Variants in CACNB4 observed in about 807,000 individuals in gnomAD.
The protein encoded by CACNB4 is calcium voltage-gated channel auxiliary subunit beta 4, also known as voltage-dependent L-type calcium channel subunit beta-4.
A neutral mutation model predicts 71.2 loss-of-function variants in CACNB4; 32 were observed. The observed-to-expected ratio is 0.45, with a 90% CI of 0.34 to 0.60. The LOEUF (loss-of-function observed/expected upper bound fraction) is 0.60. Ranked by LOEUF, CACNB4 falls within the 20% of genes least tolerant of loss-of-function variation. CACNB4 has a pLI of 0.01. For missense variants in CACNB4, 464 were observed against 647.9 expected (o/e 0.72, Z 3.08); for synonymous variants, 231 against 236.9 (o/e 0.97, Z 0.23).
Position 152,010,763 on chromosome 2 carries a change from G to A in CACNB4, c.147+87567C>T, listed in dbSNP as rs79750554. Among the ~76,000 whole-genome samples the A allele has an allele frequency of 3.4e-3, 515 of 152,316 alleles. 5 individuals are homozygous for A. Among genetic ancestry groups the A allele is most frequent in the Non-Finnish European group, 4.5e-3 (309 of 68,018 alleles). ...ATGAGGGCCACCCTGCCCAACCAGGGTCAATGATGGCCCGGCGGCGTTTGG... is the reference window on the plus strand; with the variant it reads ...ATGAGGGCCACCCTGCCCAACCAGGATCAATGATGGCCCGGCGGCGTTTGG... On this transcript the variant is annotated intron_variant, in intron 2 of 13. Transcript: ENST00000539935.
chr2:151,894,530 T>A (rs1473620586), intron 2 of CACNB4, among the ~76,000 whole-genome samples: 1 of 152,212 alleles, frequency 6.6e-6, no homozygotes, highest in Non-Finnish European at 1.5e-5. Flanking sequence ...TTGCTACTGT[T>A]ATTCAACATA....
chr2:151,919,207 G>C (rs1254531185), intron 2 of CACNB4, among the ~76,000 whole-genome samples: 2 of 152,122 alleles, frequency 1.3e-5, no homozygotes, highest in Non-Finnish European at 2.9e-5. Context: ...AAGAGGGATG[G>C]CATGAGGATT....
chr2:151,933,570 G>A (rs1420607811), intron 2 of CACNB4, among the ~76,000 whole-genome samples: 2 of 152,040 alleles, frequency 1.3e-5, no homozygotes, highest in African/African-American at 2.4e-5. Flanking sequence ...ACAACTAGAA[G>A]CCTGGACTCA....
intron 2 of CACNB4, among the ~76,000 whole-genome samples, chr2:151,928,826 C>A (rs1053034275): frequency 6.6e-6 from 1 of 151,534 alleles, no homozygotes; most frequent in African/African-American, 2.4e-5. Flanking sequence ...GCTGGAGAAT[C>A]GCTTGAACCT....
At chr2:151,880,767 C>T in intron 4 of CACNB4, 33 bp downstream of exon 4, 1 of 1,595,908 alleles carries the variant, frequency 6.3e-7, no homozygotes, top group South Asian at 1.1e-5. Context: ...AGCTTTTTGG[C>T]AGGTGAAGGG....
chr2:151,918,822 A>G (rs1195241067), intron 2 of CACNB4, among the ~76,000 whole-genome samples: 1 of 152,264 alleles, frequency 6.6e-6, no homozygotes, highest in Admixed American at 6.5e-5. Flanking sequence ...CAAAGGCAGC[A>G]CATCCAGAGA....
chr2:151,837,713 G>C lies in CACNB4; in HGVS notation c.*1406C>G, dbSNP rs1451141860. 1 of 151,602 alleles carries C rather than the reference G, an allele frequency of 6.6e-6. No homozygotes were observed. The highest frequency in any genetic ancestry group is 1.5e-5 in the Non-Finnish European group (1 of 67,880). 9.4% of individuals were successfully genotyped at this position (151,602 alleles called of 1,614,324 possible). On this transcript the variant is annotated 3_prime_UTR_variant, in exon 14 of 14. Coordinates refer to ENST00000539935, the MANE Select transcript of CACNB4 (RefSeq NM_000726.5). ...GGCTTCCTTGATAATATAAAACATA[G>C]GTCACCAATTCCATAATTATAGCCA...
chr2:151,883,379 GA>G lies in CACNB4; in HGVS notation c.148-10del. On this transcript the variant is annotated splice_polypyrimidine_tract_variant and intron_variant, in intron 2 of 13. Coordinates refer to ENST00000539935, the MANE Select transcript of CACNB4 (RefSeq NM_000726.5). ...TAGGAATCCGCTGAACCCTGGCAAA[GA>G]AAATAGAATAGTTTCAGATGATGTG... 1 of 1,613,644 alleles carries G rather than the reference GA, an allele frequency of 6.2e-7. No individual in the cohort carries two copies. The highest frequency in any genetic ancestry group is 8.5e-7 in the Non-Finnish European group (1 of 1,179,646).
intron 2 of CACNB4, among the ~76,000 whole-genome samples, chr2:151,985,954 A>G (rs971698054): frequency 1.3e-5 from 2 of 152,228 alleles, no homozygotes; most frequent in Non-Finnish European, 2.9e-5. Flanking sequence ...AGGTTCTAGT[A>G]TCTACATTTT....
chr2:151,944,114 G>A (rs79997329), intron 2 of CACNB4, among the ~76,000 whole-genome samples: 2,183 of 149,126 alleles, frequency 0.015, 26 homozygotes, highest in Middle Eastern at 0.035. Flanking sequence ...CTATAGCTTC[G>A]AACACCTGGA....
intron 2 of CACNB4, among the ~76,000 whole-genome samples, chr2:151,977,877 CTGTT>C (rs1312544393): frequency 1.3e-5 from 2 of 152,206 alleles, no homozygotes; most frequent in Admixed American, 6.5e-5. Flanking sequence ...CCCAAGGTCT[CTGTT>C]TGCCAATTCA....
intron 2 of CACNB4, among the ~76,000 whole-genome samples, chr2:151,976,333 A>G (rs1162540548): frequency 2.6e-5 from 4 of 152,212 alleles, no homozygotes; most frequent in South Asian, 2.1e-4. Context: ...ATTCAAAGCC[A>G]TATGTTCTAT....
At chr2:151,850,839 A>G (rs1404265824) in intron 12 of CACNB4, 1 of 152,166 alleles carries the variant, frequency 6.6e-6, no homozygotes, top group East Asian at 1.9e-4. Flanking sequence ...TTCCCATAAC[A>G]CTTACTGATA....
chr2:151,872,486 T>C lies in CACNB4; in HGVS notation c.529A>G (p.Ser177Gly), dbSNP rs2099844885. 6.3e-7 allele frequency: 1 copy of C among 1,586,872 alleles called. No individual in the cohort carries two copies. Residue 177 changes from serine to glycine, a missense_variant, in exon 6 of 14, where the codon AGT (serine) becomes GGT (glycine). Coordinates refer to ENST00000539935, the MANE Select transcript of CACNB4 (RefSeq NM_000726.5). ...KRGRFHGGKS[S>G]GNSSSSLGEM... ...CCAAGACTTGAAGAAGAATTTCCACTTGATTTCCTAGGATATAGAAAAGGA... is the reference window on the plus strand; with the variant it reads ...CCAAGACTTGAAGAAGAATTTCCACCTGATTTCCTAGGATATAGAAAAGGA...
intron 2 of CACNB4, among the ~76,000 whole-genome samples, chr2:151,924,358 TTAAAG>T (rs1356465381): frequency 1.3e-5 from 2 of 151,748 alleles, no homozygotes; most frequent in African/African-American, 2.4e-5. Context: ...CTGAAATCTC[TTAAAG>T]TAGATTATAG....
rs376495483 is a variant in CACNB4, at chr2:151,837,841, A to G, written c.*1278T>C. 6.6e-6 allele frequency: 1 copy of G among 152,158 alleles called. No homozygotes were observed. Among genetic ancestry groups the G allele is most frequent in the Non-Finnish European group, 1.5e-5 (1 of 67,992 alleles). 9.4% of individuals were successfully genotyped at this position (152,158 alleles called of 1,614,324 possible). A position where few individuals can be genotyped will look rare whatever the true frequency, so the allele number is the denominator to read the frequency against. The stretch of plus-strand genomic sequence containing the variant: ...TATAATTTTCTGCATTAAAAATGCT[A>G]TAATTTTAGTCAACAAATATTTGCT... On this transcript the variant is annotated 3_prime_UTR_variant, in exon 14 of 14. Transcript: ENST00000539935.
intron 2 of CACNB4, among the ~76,000 whole-genome samples, chr2:152,074,610 CA>C (rs1422134842): frequency 6.8e-4 from 78 of 115,106 alleles, no homozygotes; most frequent in African/African-American, 2.8e-3. Flanking sequence ...TCCTCTCCAC[CA>C]TCACCATCAC....
intron 2 of CACNB4, among the ~76,000 whole-genome samples, chr2:151,996,174 G>A (rs1682031729): frequency 6.6e-6 from 1 of 152,078 alleles, no homozygotes; most frequent in African/African-American, 2.4e-5. Flanking sequence ...TTGCTTACAG[G>A]CTTCTCACTA....
intron 2 of CACNB4, among the ~76,000 whole-genome samples, chr2:152,022,431 T>G (rs1427642448): frequency 2.0e-5 from 3 of 152,236 alleles, no homozygotes; most frequent in Non-Finnish European, 4.4e-5. Flanking sequence ...AAAAAGCAAC[T>G]AATTTAGTCA....
Sources: allele counts gnomAD v4.1 joint callset (sites outside exome capture counted in the v4.1 genomes callset), GRCh38; gene constraint gnomAD v4.1.1; transcripts MANE v1.5; gene names NCBI Gene and HGNC (gene_info 2026-07-23, HGNC 2026-07-21).